The following POTEI variants were observed in gnomAD, a reference collection of about 807,000 sequenced individuals.
POTEI encodes the protein POTE ankyrin domain family, member I.
In POTEI, 14 loss-of-function variants were observed where a neutral mutation model predicts 43.4. That is an observed-to-expected ratio of 0.32 (90% CI 0.21 to 0.50). The LOEUF is 0.50. Among genes scored for constraint, POTEI ranks in the 20% least tolerant of loss-of-function variants. The pLI is 0.98. For missense variants in POTEI, 235 were observed against 795.4 expected, an observed-to-expected ratio of 0.30 and a Z score of 8.47; for synonymous variants, 95 against 297.9, an observed-to-expected ratio of 0.32 and a Z score of 7.01.
chr2:130,483,600 T>TTTTG (rs1257753135), intron 9 of POTEI, among the ~76,000 whole-genome samples: 2 of 7,488 alleles, frequency 2.7e-4, no homozygotes, highest in Non-Finnish European at 6.7e-4. Context: ...GTCAAACTTG[T>TTTTG]TTTTTTTTTT....
rs1403083031 is a variant in POTEI at position 130,460,997 on chromosome 2, C to A, written c.*1819G>T. 1.4e-5 allele frequency: 2 copies of A among 147,862 alleles called. No homozygotes were observed. Among genetic ancestry groups the A allele is most frequent in the Non-Finnish European group, 2.9e-5 (2 of 67,864 alleles). The allele number at this position is 147,862 out of a possible 1,614,324, so 9.2% of individuals were successfully genotyped here. ...AGGGCTGCTGTGGTATGCTGGGGGT[C>A]CCCTCCAGTCCCTAATTGCCTTGTA... On this transcript the variant is annotated 3_prime_UTR_variant, in exon 15 of 15. Transcript: ENST00000451531.
chr2:130,460,293 T>C lies in POTEI; in HGVS notation c.*2523A>G, dbSNP rs1463206653. On this transcript the variant is annotated 3_prime_UTR_variant, in exon 15 of 15. Transcript: ENST00000451531. ...GATCAGGTCTCAGAGGAGAACTCTC[T>C]CAAAAGTGAACCCCCAGCACAGCAC... 6.6e-6 allele frequency: 1 copy of C among 151,832 alleles called. No homozygotes were observed. Among genetic ancestry groups the C allele is most frequent in the African/African-American group, 2.4e-5 (1 of 41,200 alleles). The allele number at this position is 151,832 out of a possible 1,614,324, so 9.4% of individuals were successfully genotyped here.
chr2:130,509,464 C>A (rs1258608852), upstream of POTEI: 33 of 294,696 alleles, frequency 1.1e-4, 8 homozygotes, highest in African/African-American at 1.9e-3. Flanking sequence ...AACCCCCCCC[C>A]CCAAGAAAAC....
intron 10 of POTEI, among the ~76,000 whole-genome samples, chr2:130,480,463 G>C (rs539643384): frequency 0.01 from 1,578 of 150,796 alleles, 47 homozygotes; most frequent in African/African-American, 0.037. Context: ...TGCACTTGCT[G>C]CTCTTCCTCC....
chr2:130,468,911 C>T (rs1303344633), intron 13 of POTEI, among the ~76,000 whole-genome samples: 2 of 151,894 alleles, frequency 1.3e-5, no homozygotes, highest in Admixed American at 6.6e-5. Flanking sequence ...AAATGTATAA[C>T]AATATCACTA....
chr2:130,492,974 T>C (rs1255794483), intron 6 of POTEI, among the ~76,000 whole-genome samples: 1 of 150,904 alleles, frequency 6.6e-6, no homozygotes, highest in East Asian at 2.0e-4. Context: ...TACTAGCCTA[T>C]ACAAAAAACA....
At chr2:130,493,207 C>T (rs1397483775) in intron 6 of POTEI, among the ~76,000 whole-genome samples, 3 of 70,242 alleles carry the variant, frequency 4.3e-5, no homozygotes, top group Non-Finnish European at 9.3e-5. Flanking sequence ...ATGCTCCTTG[C>T]TCGCTCTTTT....
rs1307279499 is a variant in POTEI, at chr2:130,460,098, C to G, written c.*2718G>C. On this transcript the variant is annotated 3_prime_UTR_variant, in exon 15 of 15. Transcript: ENST00000451531. Reference sequence around the variant, plus strand: ...GGCTCTAGGGGCCACCTTGCTGCAGCTCTCCACTGATATGGTACAGTCCAC... The same window carrying G: ...GGCTCTAGGGGCCACCTTGCTGCAGGTCTCCACTGATATGGTACAGTCCAC... 6.6e-6 allele frequency: 1 copy of G among 150,876 alleles called. No homozygotes were observed. The highest frequency in any genetic ancestry group is 2.5e-5 in the African/African-American group (1 of 40,208). The allele number at this position is 150,876 out of a possible 1,614,324, so 9.3% of individuals were successfully genotyped here.
intron 13 of POTEI, among the ~76,000 whole-genome samples, chr2:130,467,722 C>G (rs2579438): frequency 1.3e-4 from 20 of 152,002 alleles, no homozygotes; most frequent in South Asian, 2.1e-4. Flanking sequence ...CGCTAACAAA[C>G]GACTAATATC....
Position 130,483,837 on chromosome 2 carries a change from T to A in POTEI, c.1410-1764A>T, listed in dbSNP as rs573734980. Among the ~76,000 whole-genome samples, 440 of 150,708 alleles carry A rather than the reference T, an allele frequency of 2.9e-3. 4 individuals carry two copies. The highest frequency in any genetic ancestry group is 4.8e-3 in the Non-Finnish European group (324 of 67,966). On this transcript the variant is annotated intron_variant, in intron 9 of 14. Transcript: ENST00000451531. ...ACCTCGTGATCCGCCTGCCTCGGCC[T>A]CCCAAAGTGCTGTGATTACAGGTGT... is the stretch of plus-strand genomic sequence containing the variant.
intron 1 of POTEI, among the ~76,000 whole-genome samples, chr2:130,506,818 T>C (rs1684165101): frequency 1.6e-5 from 2 of 121,542 alleles, no homozygotes; most frequent in African/African-American, 5.9e-5. Context: ...TTCATTCCTC[T>C]TCTAACTTAA....
At chr2:130,507,443 A>T (rs1391347913) in intron 1 of POTEI, among the ~76,000 whole-genome samples, 5 of 103,234 alleles carry the variant, frequency 4.8e-5, no homozygotes, top group African/African-American at 1.6e-4. Context: ...TGCGTATATA[A>T]ATAGGCATTT....
Position 130,477,934 on chromosome 2 carries a change from G to C in POTEI, c.1481-1233C>G, listed in dbSNP as rs562177453. ...ATGAGTGAGTAGGGCATTGCCAGCA[G>C]CTCAGTAATGCCAGAGACAGTGCAC... On this transcript the variant is annotated intron_variant, in intron 10 of 14. Coordinates refer to ENST00000451531, the MANE Select transcript of POTEI (RefSeq NM_001277406.2). Among the ~76,000 whole-genome samples the C allele has an allele frequency of 5.6e-3, 648 of 115,616 alleles. 2 individuals carry two copies. The highest frequency in any genetic ancestry group is 0.023 in the African/African-American group (617 of 26,586). The allele number at this position is 115,616 out of a possible 152,430, so 75.8% of individuals were successfully genotyped here. A position where few individuals can be genotyped will look rare whatever the true frequency, so the allele number is the denominator to read the frequency against.
In POTEI at chr2:130,460,233, C is replaced by T. The variant is rs1025382736; in HGVS notation, c.*2583G>A. ...CTAAGGAGTGCTGAGATCAGACCAGCCCCATCTCAAGTGCAAGATTGCCCA... is the reference window on the plus strand; with the variant it reads ...CTAAGGAGTGCTGAGATCAGACCAGTCCCATCTCAAGTGCAAGATTGCCCA... On this transcript the variant is annotated 3_prime_UTR_variant, in exon 15 of 15. Coordinates refer to ENST00000451531, the MANE Select transcript of POTEI (RefSeq NM_001277406.2). 6 of 151,522 alleles carry T rather than the reference C, an allele frequency of 4.0e-5. No individual in the cohort carries two copies. The highest frequency in any genetic ancestry group is 3.9e-4 in the Admixed American group (6 of 15,256). 9.4% of individuals were successfully genotyped at this position (151,522 alleles called of 1,614,324 possible).
At chr2:130,488,637 G>A (rs1195416327) in intron 8 of POTEI, among the ~76,000 whole-genome samples, 3 of 127,140 alleles carry the variant, frequency 2.4e-5, no homozygotes, top group Non-Finnish European at 3.3e-5. Context: ...CACACTGTGC[G>A]GCTTCAGGAA....
chr2:130,507,313 TATATACAC>T (rs1474097289), intron 1 of POTEI, among the ~76,000 whole-genome samples: 58 of 8,618 alleles, frequency 6.7e-3, no homozygotes, highest in African/African-American at 0.01. Flanking sequence ...TATATATATA[TATATACAC>T]ACACACACAC....
intron 1 of POTEI, among the ~76,000 whole-genome samples, chr2:130,505,153 T>C (rs1684124252): frequency 6.7e-6 from 1 of 149,038 alleles, no homozygotes. Flanking sequence ...CACCTGTAAT[T>C]GAGAACGTGC....
chr2:130,507,433 TGC>T (rs1428931117), intron 1 of POTEI, among the ~76,000 whole-genome samples: 4 of 104,192 alleles, frequency 3.8e-5, no homozygotes, highest in African/African-American at 1.2e-4. Flanking sequence ...TATATATATC[TGC>T]GTATATAAAT....
chr2:130,460,770 CT>C lies in POTEI; in HGVS notation c.*2045del, dbSNP rs1231096065. 1.4e-5 allele frequency: 2 copies of C among 142,182 alleles called. No homozygotes were observed. The highest frequency in any genetic ancestry group is 3.0e-5 in the Non-Finnish European group (2 of 65,826). 8.8% of individuals were successfully genotyped at this position (142,182 alleles called of 1,614,324 possible). ...GAGGTGTTGATAGGGCACTTAGGGT[CT>C]TTGCTCCCTTGCATCTTCTGAGGGC... On this transcript the variant is annotated 3_prime_UTR_variant, in exon 15 of 15. Transcript: ENST00000451531.
Sources: gnomAD v4.1 joint callset for allele counts (sites outside exome capture counted in the v4.1 genomes callset) on GRCh38, gnomAD v4.1.1 for gene constraint, MANE v1.5 for transcripts, NCBI Gene and HGNC (gene_info 2026-07-23, HGNC 2026-07-21) for gene names.